The following UNC80 variants were observed in gnomAD, a reference collection of about 807,000 sequenced individuals.
The protein encoded by UNC80 is protein unc-80 homolog.
Under a neutral mutation model 384.6 loss-of-function variants are expected in UNC80, and 164 were observed. That is an observed-to-expected ratio of 0.43 (90% CI 0.38 to 0.49). The LOEUF is 0.49. Ranked by LOEUF, UNC80 falls within the 20% of genes least tolerant of loss-of-function variation. The pLI is 0.00. For synonymous variants in UNC80, 1,486 were observed against 1,527.8 expected (o/e 0.97, Z 0.64); for missense variants, 3,330 against 4,143.0 (o/e 0.80, Z 5.39).
intron 22 of UNC80, among the ~76,000 whole-genome samples, chr2:209,860,818 T>C (rs1218298176): frequency 6.6e-6 from 1 of 152,184 alleles, no homozygotes; most frequent in Non-Finnish European, 1.5e-5. Flanking sequence ...CGATTGTGAA[T>C]TGGAGTTCAT....
At chr2:209,923,106 T>A (rs2090162375) in intron 35 of UNC80, among the ~76,000 whole-genome samples, 1 of 152,234 alleles carries the variant, frequency 6.6e-6, no homozygotes, top group African/African-American at 2.4e-5. Flanking sequence ...CTTTTTACTT[T>A]CTTCACTTGA....
chr2:209,824,105 A>G (rs2080332955), intron 13 of UNC80, among the ~76,000 whole-genome samples: 1 of 152,190 alleles, frequency 6.6e-6, no homozygotes, highest in Non-Finnish European at 1.5e-5. Context: ...TCCTATTCCC[A>G]TCTCATTATA....
At chr2:209,879,389 A>G (rs181710033) in intron 24 of UNC80, among the ~76,000 whole-genome samples, 29 of 152,318 alleles carry the variant, frequency 1.9e-4, no homozygotes, top group Non-Finnish European at 3.1e-4. Flanking sequence ...ATTAGACTGC[A>G]TAAGTGTCAT....
intron 18 of UNC80, among the ~76,000 whole-genome samples, chr2:209,837,992 C>G (rs925028802): frequency 6.6e-6 from 1 of 151,974 alleles, no homozygotes; most frequent in Non-Finnish European, 1.5e-5. Context: ...AGAATGGTCT[C>G]GATCTCCTGA....
chr2:209,852,099 T>C (rs569295007), intron 22 of UNC80, among the ~76,000 whole-genome samples: 1 of 152,228 alleles, frequency 6.6e-6, no homozygotes, highest in Non-Finnish European at 1.5e-5. Context: ...ATGTGTCCAC[T>C]GACTGAGTAG....
chr2:209,790,969 A>G (rs960895941), intron 6 of UNC80, among the ~76,000 whole-genome samples: 3 of 152,194 alleles, frequency 2.0e-5, no homozygotes, highest in African/African-American at 7.2e-5. Context: ...ATGTCTTCTA[A>G]ATGATGACAT....
At chr2:209,921,354 CAA>C (rs2124952787) in intron 33 of UNC80, 144 bp from the exon 34 acceptor site, 2 of 797,266 alleles carry the variant, frequency 2.5e-6, no homozygotes, top group Admixed American at 6.9e-5. Flanking sequence ...GGTAAAAGGA[CAA>C]ATATCCATGA....
intron 25 of UNC80, 100 bp downstream of exon 25, chr2:209,881,194 A>G: frequency 1.5e-6 from 2 of 1,308,776 alleles, no homozygotes; most frequent in South Asian, 3.4e-5. Context: ...TTCCATGGCT[A>G]GTGTATCACA....
intron 60 of UNC80, 53 bp downstream of exon 60, chr2:209,982,370 T>A (rs1299380942): frequency 6.7e-7 from 1 of 1,484,152 alleles, no homozygotes; most frequent in Non-Finnish European, 9.0e-7. Flanking sequence ...AGTTAGAAAT[T>A]CTGAAAATAC....
At position 209,817,820 on chromosome 2, in the gene UNC80, A is replaced by G; in HGVS notation, c.1561A>G (p.Thr521Ala). Reference sequence around the variant, plus strand: ...GCTCTTATTCATCCCAGGGAAATTGACCCGGCGAGGCAGTTCAGATGCAGC... The same window carrying G: ...GCTCTTATTCATCCCAGGGAAATTGGCCCGGCGAGGCAGTTCAGATGCAGC... ...GWQTTILGKL[T>A]RRGSSDAATE... is the part of the protein sequence containing the mutation. The change falls in exon 11 of 65, where the codon ACC becomes GCC. Residue 521 changes from threonine to alanine, a missense_variant. Thr to Ala is a moderately conservative substitution (Grantham distance 58). Around this residue, in one of 8 missense-constraint regions of UNC80, gnomAD observed 937 missense variants for 1,026.8 expected, o/e 0.91. Transcript: ENST00000673920. 6.4e-7 allele frequency: 1 copy of G among 1,551,492 alleles called. No homozygotes were observed. Among genetic ancestry groups the G allele is most frequent in the Non-Finnish European group, 8.7e-7 (1 of 1,146,928 alleles).
chr2:209,801,539 C>T (rs2078554548), intron 7 of UNC80, among the ~76,000 whole-genome samples: 3 of 151,528 alleles, frequency 2.0e-5, no homozygotes, highest in African/African-American at 4.8e-5. Context: ...CCTGCTACCA[C>T]GCCTGACTAA....
At position 209,813,612 on chromosome 2, in the gene UNC80, C is replaced by T. The variant is rs1265425657; in HGVS notation, c.971C>T (p.Ser324Phe). ...ASLVIPPCQR[S>F]RYATYFDVAV... ...CTTGTGATACCTCCGTGCCAAAGGT[C>T]CCGCTATGCCACCTACTTTGACGTT... is the stretch of plus-strand genomic sequence containing the variant. The change falls in exon 8 of 65, where the codon TCC becomes TTC. Residue 324 changes from serine (S) to phenylalanine (F), a missense_variant. Around this residue, in one of 8 missense-constraint regions of UNC80, gnomAD observed 937 missense variants for 1,026.8 expected, o/e 0.91. Transcript: ENST00000673920. The T allele has an allele frequency of 1.3e-6, 2 of 1,551,680 alleles. No individual in the cohort carries two copies. The highest frequency in any genetic ancestry group is 1.4e-5 in the African/African-American group (1 of 73,044).
intron 18 of UNC80, among the ~76,000 whole-genome samples, chr2:209,836,941 G>T (rs1304384170): frequency 6.6e-6 from 1 of 152,152 alleles, no homozygotes; most frequent in Admixed American, 6.5e-5. Flanking sequence ...CTCCCCAGAT[G>T]TTTTTCCAGC....
chr2:209,794,674 T>A, intron 7 of UNC80: 1 of 351,616 alleles, frequency 2.8e-6, no homozygotes, highest in South Asian at 2.1e-5. Context: ...AATTGAATCA[T>A]GGGGGCCAGT....
chr2:209,814,275 G>A (rs996350889), intron 8 of UNC80, among the ~76,000 whole-genome samples: 2 of 149,996 alleles, frequency 1.3e-5, no homozygotes, highest in East Asian at 2.0e-4. Flanking sequence ...TCGCTCTGTC[G>A]CCCAGGCTGG....
chr2:209,966,321 A>G (rs1448305508), intron 51 of UNC80, among the ~76,000 whole-genome samples: 2 of 152,182 alleles, frequency 1.3e-5, no homozygotes, highest in Non-Finnish European at 2.9e-5. Context: ...TTTTTTGAGG[A>G]AAAAAATCAA....
chr2:209,906,279 A>C (rs1462816933), intron 29 of UNC80, among the ~76,000 whole-genome samples: 1 of 152,240 alleles, frequency 6.6e-6, no homozygotes, highest in Non-Finnish European at 1.5e-5. Context: ...TTATGAAAGC[A>C]ATACATGTTC....
At position 209,820,345 on chromosome 2, in the gene UNC80, A is replaced by T. The variant is rs1442588835; in HGVS notation, c.1997A>T (p.His666Leu). The T allele has an allele frequency of 6.5e-7, 1 of 1,549,878 alleles. No individual in the cohort carries two copies. Among genetic ancestry groups the T allele is most frequent in the Admixed American group, 2.0e-5 (1 of 50,656 alleles). The change falls in exon 13 of 65, where the codon CAT becomes CTT. Residue 666 changes from histidine (H) to leucine (L), a missense_variant. Physicochemically the swap from His to Leu is moderately conservative, Grantham distance 99. This residue lies in a region of UNC80 where 937 missense variants were observed against 1,026.8 expected (regional missense o/e 0.91). Transcript: ENST00000673920. ...AAGGCTGTTTATCTTGTCCTTAATC[A>T]TGACATCAGCTCTCGTATCTGTGAC... is the stretch of plus-strand genomic sequence containing the variant. Reference protein sequence around the residue: ...VLKAVYLVLNHDISSRICDVA... With the variant: ...VLKAVYLVLNLDISSRICDVA...
intron 61 of UNC80, among the ~76,000 whole-genome samples, chr2:209,991,877 T>G (rs13017752): frequency 0.09 from 13,721 of 152,276 alleles, 690 homozygotes; most frequent in Middle Eastern, 0.16. Flanking sequence ...CTTATACCTT[T>G]TGGTGGCTTC....
Sources: gnomAD v4.1 joint callset for allele counts (sites outside exome capture counted in the v4.1 genomes callset) on GRCh38, gnomAD v4.1.1 for gene constraint, gnomAD v4.1.1 regional missense constraint, MANE v1.5 for transcripts, NCBI Gene and HGNC (gene_info 2026-07-23, HGNC 2026-07-21) for gene names.